DIP2C: variants seen among roughly 807,000 people sequenced by gnomAD.
DIP2C encodes disco-interacting protein 2 homolog C.
Under a neutral mutation model 192.4 loss-of-function variants are expected in DIP2C, and 33 were observed. The observed-to-expected ratio is 0.17, with a 90% CI of 0.13 to 0.23. DIP2C has a LOEUF of 0.23. Among genes scored for constraint, DIP2C ranks in the 10% least tolerant of loss-of-function variants. DIP2C has a pLI of 1.00. For synonymous variants in DIP2C, 979 were observed against 864.1 expected, an observed-to-expected ratio of 1.13 and a Z score of -2.33; for missense variants, 1,537 against 2,110.1, an observed-to-expected ratio of 0.73 and a Z score of 5.32.
At chr10:574,102 T>C (rs932351018) in intron 1 of DIP2C, among the ~76,000 whole-genome samples, 1 of 152,238 alleles carries the variant, frequency 6.6e-6, no homozygotes, top group Admixed American at 6.5e-5. Flanking sequence ...TTCTCAATTT[T>C]TGCCACGTTC....
intron 17 of DIP2C, among the ~76,000 whole-genome samples, chr10:371,624 C>G (rs148351685): frequency 1.6e-5 from 2 of 122,390 alleles, no homozygotes; most frequent in African/African-American, 7.1e-5. Context: ...CAGGGCGGAT[C>G]GCTGAGCAGA....
chr10:591,774 C>T (rs904261544), intron 1 of DIP2C, among the ~76,000 whole-genome samples: 1 of 152,134 alleles, frequency 6.6e-6, no homozygotes, highest in African/African-American at 2.4e-5. Context: ...ACAAAGGTAC[C>T]ACACCCCACA....
chr10:396,986 T>C (rs1488096427), intron 10 of DIP2C, among the ~76,000 whole-genome samples: 1 of 152,196 alleles, frequency 6.6e-6, no homozygotes, highest in Non-Finnish European at 1.5e-5. Context: ...ATAGCAATCA[T>C]CTTTCCTGTT....
chr10:476,340 G>A (rs1447489795), intron 2 of DIP2C, among the ~76,000 whole-genome samples: 4 of 152,160 alleles, frequency 2.6e-5, no homozygotes, highest in African/African-American at 4.8e-5. Context: ...GCCTGCGGTC[G>A]TGGCCCCAAT....
At position 307,999 on chromosome 10, in the gene DIP2C, C is replaced by T. The variant is rs576241044; in HGVS notation, c.3986+2032G>A. Reference sequence around the variant, plus strand: ...CAGGGAGGCTTTGGGGGTGCCTGGGCGGGGCCCAGCACATGGTCCATCTGG... The same window carrying T: ...CAGGGAGGCTTTGGGGGTGCCTGGGTGGGGCCCAGCACATGGTCCATCTGG... On this transcript the variant is annotated intron_variant, in intron 32 of 36. Transcript: ENST00000280886. Among the ~76,000 whole-genome samples the T allele has an allele frequency of 7.4e-4, 100 of 134,464 alleles. 1 individual carries two copies. The South Asian group carries it at 0.012, about 17-fold the overall frequency. 88.2% of individuals were successfully genotyped at this position (134,464 alleles called of 152,430 possible). A position where few individuals can be genotyped will look rare whatever the true frequency, so the allele number is the denominator to read the frequency against.
At chr10:358,078 T>G in intron 22 of DIP2C, 141 bp from the exon 23 acceptor site, 1 of 586,394 alleles carries the variant, frequency 1.7e-6, no homozygotes, top group Non-Finnish European at 3.0e-6. Context: ...GAACAGAGAT[T>G]CAACGAAATC....
At chr10:475,484 A>C in intron 2 of DIP2C, among the ~76,000 whole-genome samples, 1 of 151,870 alleles carries the variant, frequency 6.6e-6, no homozygotes, top group African/African-American at 2.4e-5. Context: ...ATTACCTCCA[A>C]CCCTAACCTC....
intron 1 of DIP2C, among the ~76,000 whole-genome samples, chr10:535,494 C>CAT (rs1239348601): frequency 1.3e-5 from 2 of 152,082 alleles, no homozygotes; most frequent in African/African-American, 4.8e-5. Flanking sequence ...TAATGAGGGG[C>CAT]ATGCCTTTGT....
chr10:577,710 T>G (rs192878355), intron 1 of DIP2C, among the ~76,000 whole-genome samples: 1 of 152,206 alleles, frequency 6.6e-6, no homozygotes, highest in Non-Finnish European at 1.5e-5. Flanking sequence ...GCTAAATAAC[T>G]AGTAATGATG....
chr10:630,667 C>T (rs1255642724), intron 1 of DIP2C: 1 of 152,294 alleles, frequency 6.6e-6, no homozygotes, highest in Non-Finnish European at 1.5e-5. Context: ...GGGCTGCGTC[C>T]CGGGGCCGTG....
chr10:513,834 C>T (rs1564808676), intron 1 of DIP2C, among the ~76,000 whole-genome samples: 1 of 152,182 alleles, frequency 6.6e-6, no homozygotes, highest in Non-Finnish European at 1.5e-5. Flanking sequence ...TCAAGAAATA[C>T]AAAGTTTATA....
chr10:556,971 G>T lies in DIP2C; in HGVS notation c.86-70441C>A, dbSNP rs1014261574. On this transcript the variant is annotated intron_variant, in intron 1 of 36. Transcript: ENST00000280886. Reference sequence around the variant, plus strand: ...CAGCCAGATTCTGCCATTTTCCTCAGCTTTAAGACAACAGCCAGGGCTTCT... The same window carrying T: ...CAGCCAGATTCTGCCATTTTCCTCATCTTTAAGACAACAGCCAGGGCTTCT... 2.0e-5 allele frequency among the ~76,000 whole-genome samples: 3 copies of T among 152,152 alleles called. No individual in the cohort carries two copies. The East Asian group carries it at 5.8e-4, about 29-fold the overall frequency.
At chr10:640,638 TGAGGGTGCGCGCGGGGAA>T (rs1465216208) in intron 1 of DIP2C, among the ~76,000 whole-genome samples, 6 of 122,712 alleles carry the variant, frequency 4.9e-5, no homozygotes, top group Non-Finnish European at 6.9e-5. Context: ...CGCGCGGGGA[TGAGGGTGCGCGCGGGGAA>T]GAGGGTGCGC....
At chr10:593,485 A>ACCCCCCCCCCCCCC (rs10563749) in intron 1 of DIP2C, among the ~76,000 whole-genome samples, 6 of 64,190 alleles carry the variant, frequency 9.3e-5, no homozygotes, top group East Asian at 5.1e-4. Context: ...CCCACGCGGG[A>ACCCCCCCCCCCCCC]CCCCCCCCCC....
At chr10:422,781 G>C in intron 5 of DIP2C, 43 bp downstream of exon 5, 1 of 1,584,934 alleles carries the variant, frequency 6.3e-7, no homozygotes, top group Non-Finnish European at 8.6e-7. Context: ...ACACAAAGGC[G>C]TTTACACAAC....
At chr10:608,132 CA>C (rs1564262239) in intron 1 of DIP2C, among the ~76,000 whole-genome samples, 16 of 109,898 alleles carry the variant, frequency 1.5e-4, no homozygotes, top group African/African-American at 8.8e-4. Flanking sequence ...ACAGCCCCAA[CA>C]CACACACAGC....
At chr10:326,008 C>A (rs1283990613) in intron 31 of DIP2C, among the ~76,000 whole-genome samples, 1 of 152,020 alleles carries the variant, frequency 6.6e-6, no homozygotes, top group Non-Finnish European at 1.5e-5. Flanking sequence ...TGGTGAAACC[C>A]CGTCTCCACA....
chr10:405,865 TC>T (rs1195688936), intron 9 of DIP2C, among the ~76,000 whole-genome samples: 3 of 152,198 alleles, frequency 2.0e-5, no homozygotes, highest in Non-Finnish European at 4.4e-5. Context: ...GCGAAAGGCT[TC>T]AGCACCTTCC....
intron 1 of DIP2C, among the ~76,000 whole-genome samples, chr10:599,557 G>A (rs964168086): frequency 3.3e-5 from 5 of 152,168 alleles, no homozygotes; most frequent in Non-Finnish European, 7.3e-5. Flanking sequence ...GTCAGTGAAC[G>A]AAAGGCAGTG....
Sources: allele counts gnomAD v4.1 joint callset (sites outside exome capture counted in the v4.1 genomes callset), GRCh38; gene constraint gnomAD v4.1.1; transcripts MANE v1.5; gene names NCBI Gene and HGNC (gene_info 2026-07-23, HGNC 2026-07-21).